GAS2: variants seen among roughly 807,000 people sequenced by gnomAD.
The protein encoded by GAS2 is growth arrest specific 2.
In GAS2, 20 loss-of-function variants were observed where a neutral mutation model predicts 37.5. The ratio of observed to expected loss-of-function variants is 0.53; its 90% CI spans 0.37 to 0.77. The LOEUF (loss-of-function observed/expected upper bound fraction) is 0.77, where lower values mean the gene tolerates loss of function less well. Ranked by LOEUF, GAS2 falls within the 30% of genes least tolerant of loss-of-function variation. The pLI is 0.00. For synonymous variants in GAS2, 144 were observed against 132.2 expected, an observed-to-expected ratio of 1.09 and a Z score of -0.61; for missense variants, 336 against 373.4, an observed-to-expected ratio of 0.90 and a Z score of 0.82.
intron 7 of GAS2, among the ~76,000 whole-genome samples, chr11:22,786,676 T>C (rs1195868063): frequency 6.6e-6 from 1 of 152,110 alleles, no homozygotes; most frequent in African/African-American, 2.4e-5. Flanking sequence ...TAGACAAAAA[T>C]AGATACCTGT....
At chr11:22,791,365 T>C (rs1479673479) in intron 7 of GAS2, among the ~76,000 whole-genome samples, 1 of 152,016 alleles carries the variant, frequency 6.6e-6, no homozygotes, top group Non-Finnish European at 1.5e-5. Context: ...TGTAGATGGA[T>C]AGCACATCTC....
intron 1 of GAS2, among the ~76,000 whole-genome samples, chr11:22,638,596 T>G (rs867193305): frequency 3.3e-5 from 5 of 152,176 alleles, no homozygotes; most frequent in Non-Finnish European, 5.9e-5. Context: ...TCCTCCTGCC[T>G]CAGCCTCTCA....
Position 22,742,346 on chromosome 11 carries a change from C to T in GAS2, c.473+4578C>T, listed in dbSNP as rs144436955. On this transcript the variant is annotated intron_variant, in intron 5 of 7. Transcript: ENST00000454584. ...TATAAATGTGTGAAAACCTCATTGA[C>T]AAAATAAAAATGTGGAGTGGTATAG... Among the ~76,000 whole-genome samples the T allele has an allele frequency of 4.7e-4, 71 of 152,034 alleles. 1 individual carries two copies. In the East Asian group the frequency reaches 0.013, roughly 28 times the overall value.
chr11:22,749,832 A>G (rs1408932015), intron 6 of GAS2, among the ~76,000 whole-genome samples: 1 of 151,968 alleles, frequency 6.6e-6, no homozygotes, highest in Non-Finnish European at 1.5e-5. Context: ...TTGAGTCACA[A>G]TTTTTGGTAG....
chr11:22,741,977 T>A (rs566659342), intron 5 of GAS2, among the ~76,000 whole-genome samples: 1 of 152,218 alleles, frequency 6.6e-6, no homozygotes, highest in South Asian at 2.1e-4. Context: ...TTGAGTAAAT[T>A]TTCTAGTTTA....
At chr11:22,650,225 GT>G (rs1236776543) in intron 1 of GAS2, among the ~76,000 whole-genome samples, 2 of 150,986 alleles carry the variant, frequency 1.3e-5, no homozygotes, top group Non-Finnish European at 3.0e-5. Flanking sequence ...TAGTTGAGCG[GT>G]TTTGAGTGAG....
At chr11:22,744,327 C>A (rs188342697) in intron 5 of GAS2, among the ~76,000 whole-genome samples, 1 of 152,092 alleles carries the variant, frequency 6.6e-6, no homozygotes, top group East Asian at 1.9e-4. Flanking sequence ...ATTCCAAAAT[C>A]TGGCAAAGAC....
At chr11:22,711,269 A>C (rs540279935) in intron 3 of GAS2, among the ~76,000 whole-genome samples, 2 of 152,324 alleles carry the variant, frequency 1.3e-5, no homozygotes, top group East Asian at 3.9e-4. Context: ...TAGGAAGCCA[A>C]ATGAAAGATA....
intron 3 of GAS2, among the ~76,000 whole-genome samples, chr11:22,711,412 G>C (rs1418594356): frequency 5.9e-5 from 9 of 152,190 alleles, no homozygotes; most frequent in African/African-American, 2.2e-4. Context: ...TTTGGGAGGT[G>C]CACAGGGTGA....
chr11:22,772,881 C>T (rs1223887838), intron 7 of GAS2, among the ~76,000 whole-genome samples: 1 of 152,202 alleles, frequency 6.6e-6, no homozygotes, highest in Non-Finnish European at 1.5e-5. Context: ...AAGCATGCTT[C>T]CTGCATTTCT....
chr11:22,681,863 T>A (rs1387843114), intron 2 of GAS2, among the ~76,000 whole-genome samples: 3 of 152,070 alleles, frequency 2.0e-5, no homozygotes, highest in Non-Finnish European at 2.9e-5. Flanking sequence ...GTTGATAATA[T>A]TAATATTAAT....
intron 1 of GAS2, among the ~76,000 whole-genome samples, chr11:22,630,353 C>T (rs1003524884): frequency 3.3e-5 from 5 of 152,058 alleles, no homozygotes; most frequent in African/African-American, 7.2e-5. Context: ...CAGCTTCATC[C>T]GTGTCCCTAC....
rs34289288 is a variant in GAS2, at chr11:22,780,557, C to CAAAAAAAAA, written c.723+24615_723+24623dup. On this transcript the variant is annotated intron_variant, in intron 7 of 7. Coordinates refer to ENST00000454584, the MANE Select transcript of GAS2 (RefSeq NM_001143830.3). ...TGGGCAACAGAGCAAGACTCTGTCTCAAAAAAAAAAAAAAAAAAAGATTGT... is the reference window on the plus strand; with the variant it reads ...TGGGCAACAGAGCAAGACTCTGTCTCAAAAAAAAAAAAAAAAAAAAAAAAAAAAGATTGT... Among the ~76,000 whole-genome samples the CAAAAAAAAA allele has an allele frequency of 1.4e-3, 129 of 90,312 alleles. 1 individual carries two copies. The highest frequency in any genetic ancestry group is 5.7e-3 in the African/African-American group (126 of 22,028). 59.2% of individuals were successfully genotyped at this position (90,312 alleles called of 152,430 possible). A position where few individuals can be genotyped will look rare whatever the true frequency, so the allele number is the denominator to read the frequency against.
intron 1 of GAS2, among the ~76,000 whole-genome samples, chr11:22,638,271 A>T (rs761663529): frequency 6.6e-6 from 1 of 152,086 alleles, no homozygotes; most frequent in Non-Finnish European, 1.5e-5. Flanking sequence ...ATCTTGTCCA[A>T]TGGAATATTA....
chr11:22,811,043 G>A (rs530525890), intron 7 of GAS2, among the ~76,000 whole-genome samples: 61 of 152,132 alleles, frequency 4.0e-4, no homozygotes, highest in African/African-American at 1.2e-3. Context: ...GCAAGAAGCC[G>A]ATGACAAATT....
chr11:22,772,224 C>G (rs1201880087), intron 7 of GAS2, among the ~76,000 whole-genome samples: 1 of 152,182 alleles, frequency 6.6e-6, no homozygotes, highest in Non-Finnish European at 1.5e-5. Flanking sequence ...CATGACAGCC[C>G]TGACCCCCAT....
chr11:22,676,897 A>G (rs2133898314), intron 2 of GAS2, among the ~76,000 whole-genome samples: 1 of 152,260 alleles, frequency 6.6e-6, no homozygotes, highest in East Asian at 1.9e-4. Flanking sequence ...TAAAATAAAT[A>G]CCATAATAAA....
intron 7 of GAS2, among the ~76,000 whole-genome samples, chr11:22,792,711 C>A (rs994411427): frequency 3.9e-5 from 6 of 152,164 alleles, no homozygotes; most frequent in Non-Finnish European, 8.8e-5. Context: ...CCCCATGGAA[C>A]AATAGGCTCA....
At chr11:22,709,816 G>C (rs1210603187) in intron 3 of GAS2, among the ~76,000 whole-genome samples, 1 of 152,116 alleles carries the variant, frequency 6.6e-6, no homozygotes, top group Non-Finnish European at 1.5e-5. Flanking sequence ...ATACACCATG[G>C]AATACTATGC....
Sources: allele counts gnomAD v4.1 joint callset (sites outside exome capture counted in the v4.1 genomes callset), GRCh38; gene constraint gnomAD v4.1.1; transcripts MANE v1.5; gene names NCBI Gene and HGNC (gene_info 2026-07-23, HGNC 2026-07-21).